CRBN: variants seen among roughly 807,000 people sequenced by gnomAD.
The protein encoded by CRBN is cereblon, also known as protein cereblon.
A neutral mutation model predicts 62.2 loss-of-function variants in CRBN; 53 were observed. That is an observed-to-expected ratio of 0.85 (90% CI 0.68 to 1.07). The LOEUF (loss-of-function observed/expected upper bound fraction) is 1.07, where lower values mean the gene tolerates loss of function less well. Ranked by LOEUF, CRBN falls within the 50% of genes least tolerant of loss-of-function variation. The pLI, the probability that CRBN is intolerant of heterozygous loss-of-function variation, is 0.00. For synonymous variants in CRBN, 208 were observed against 176.1 expected (o/e 1.18, Z -1.43); for missense variants, 616 against 531.1 (o/e 1.16, Z -1.57).
intron 5 of CRBN, 65 bp from the exon 6 acceptor site, chr3:3,156,346 G>T: frequency 1.4e-6 from 2 of 1,397,668 alleles, no homozygotes; most frequent in Non-Finnish European, 2.0e-6. Context: ...GCTGGAATGA[G>T]CAACATCTGA....
intron 9 of CRBN, chr3:3,153,008 A>C: frequency 3.4e-6 from 1 of 297,412 alleles, no homozygotes; most frequent in South Asian, 3.7e-5. Context: ...ATTTGTCATA[A>C]AATGATTTTC....
At position 3,150,888 on chromosome 3, in the gene CRBN, C is replaced by A; in HGVS notation, c.1306G>T (p.Asp436Tyr). The change falls in exon 11 of 11, where the codon GAC becomes TAC. Residue 436 changes from aspartate (D) to tyrosine (Y), a missense_variant. Transcript: ENST00000231948. ...GTTTACAAGCAAAGTATTACTTTGT[C>A]TGGACTTATTTCATCTTCAGTGTCT... is the stretch of plus-strand genomic sequence containing the variant. Reference protein sequence around the residue: ...IPDTEDEISPDKVILCL With the variant: ...IPDTEDEISPYKVILCL The A allele has an allele frequency of 6.2e-7, 1 of 1,613,722 alleles. No individual in the cohort carries two copies. Among genetic ancestry groups the A allele is most frequent in the Non-Finnish European group, 8.5e-7 (1 of 1,179,834 alleles).
chr3:3,157,795 CAG>C (rs1163985036), intron 5 of CRBN, among the ~76,000 whole-genome samples: 1 of 152,214 alleles, frequency 6.6e-6, no homozygotes, highest in African/African-American at 2.4e-5. Flanking sequence ...GCGGTTTTAA[CAG>C]AAGACTAGAA....
At chr3:3,162,316 C>CT (rs529274085) in intron 5 of CRBN, among the ~76,000 whole-genome samples, 12 of 151,108 alleles carry the variant, frequency 7.9e-5, no homozygotes, top group East Asian at 1.9e-4. Flanking sequence ...AAAATTTCCT[C>CT]TTTTTTTTTG....
intron 5 of CRBN, among the ~76,000 whole-genome samples, chr3:3,161,634 G>A (rs916769020): frequency 1.3e-5 from 2 of 152,022 alleles, no homozygotes; most frequent in African/African-American, 2.4e-5. Flanking sequence ...TGATCCACCC[G>A]CCTCAGCCTC....
At position 3,155,663 on chromosome 3, in the gene CRBN, T is replaced by A. The variant is rs138667757; in HGVS notation, c.750+556A>T. On this transcript the variant is annotated intron_variant, in intron 6 of 10. Transcript: ENST00000231948. ...CTCCTGGATGCATTAATTAATAGAC[T>A]AATGATCAAGAGACGTAAGTTAATA... 189 of 154,516 alleles carry A rather than the reference T, an allele frequency of 1.2e-3. 1 individual carries two copies. The highest frequency in any genetic ancestry group is 2.4e-3 in the Non-Finnish European group (167 of 69,578). 9.6% of individuals were successfully genotyped at this position (154,516 alleles called of 1,614,324 possible).
intron 1 of CRBN, among the ~76,000 whole-genome samples, chr3:3,176,634 G>C (rs1707833933): frequency 6.6e-6 from 1 of 152,206 alleles, no homozygotes; most frequent in Admixed American, 6.5e-5. Context: ...TACTGGGGAG[G>C]CTGAGGCAGG....
intron 3 of CRBN, 31 bp downstream of exon 3, chr3:3,174,028 T>C (rs1047930905): frequency 5.1e-6 from 8 of 1,554,778 alleles, no homozygotes; most frequent in African/African-American, 1.4e-5. Flanking sequence ...TGAGAGGGAA[T>C]GTATTAAGCA....
At chr3:3,158,398 G>C (rs1706999482) in intron 5 of CRBN, among the ~76,000 whole-genome samples, 1 of 152,168 alleles carries the variant, frequency 6.6e-6, no homozygotes, top group Non-Finnish European at 1.5e-5. Flanking sequence ...CCCTGCCAAA[G>C]GTGATCTGAG....
chr3:3,172,882 T>G lies in CRBN; in HGVS notation c.421A>C (p.Ile141Leu). ...REAQFGTTAE[I>L]YAYREEQDFG... Reference sequence around the variant, plus strand: ...TCCTGTTCTTCTCGATAGGCATATATCTCTGCTGTTGTTCCAAACTGTGCT... The same window carrying G: ...TCCTGTTCTTCTCGATAGGCATATAGCTCTGCTGTTGTTCCAAACTGTGCT... Residue 141 changes from isoleucine to leucine, a missense_variant, in exon 4 of 11, where the codon ATA becomes CTA. Transcript: ENST00000231948. 2 of 1,613,672 alleles carry G rather than the reference T, an allele frequency of 1.2e-6. No individual in the cohort carries two copies. The highest frequency in any genetic ancestry group is 1.7e-6 in the Non-Finnish European group (2 of 1,179,560).
chr3:3,164,948 C>T (rs893511548), intron 5 of CRBN, among the ~76,000 whole-genome samples: 2 of 152,082 alleles, frequency 1.3e-5, no homozygotes, highest in African/African-American at 4.8e-5. Context: ...TTCTAGGTGC[C>T]ATTAAGAATA....
In CRBN at chr3:3,152,264, T is replaced by A. The variant is rs139660334; in HGVS notation, c.1148+192A>T. On this transcript the variant is annotated intron_variant, in intron 10 of 10. Coordinates refer to ENST00000231948, the MANE Select transcript of CRBN (RefSeq NM_016302.4). ...GCCTTCCAGGTTCAAGAGATTCTTG[T>A]GCCTCAGCATCCCGAGCAGCTGGGA... Among the ~76,000 whole-genome samples, 127 of 152,102 alleles carry A rather than the reference T, an allele frequency of 8.3e-4. 4 individuals are homozygous for A. In the East Asian group the frequency reaches 0.023, roughly 27 times the overall value.
chr3:3,175,087 G>A, intron 2 of CRBN, 76 bp downstream of exon 2: 1 of 978,148 alleles, frequency 1.0e-6, no homozygotes, highest in Non-Finnish European at 1.6e-6. Context: ...ACAAATATCA[G>A]TCACTTGTTT....
At chr3:3,173,485 C>T (rs1707710318) in intron 3 of CRBN, among the ~76,000 whole-genome samples, 3 of 152,194 alleles carry the variant, frequency 2.0e-5, no homozygotes, top group Admixed American at 2.0e-4. Flanking sequence ...GGGGTTTAAA[C>T]TCATTTCCCA....
At chr3:3,178,919 G>T (rs569466230) in intron 1 of CRBN, among the ~76,000 whole-genome samples, 2 of 151,784 alleles carry the variant, frequency 1.3e-5, no homozygotes, top group East Asian at 3.9e-4. Flanking sequence ...TCAACACAAG[G>T]CCAAAGTCTA....
intron 3 of CRBN, 146 bp downstream of exon 3, chr3:3,173,913 C>T (rs1707726536): frequency 4.2e-6 from 3 of 722,542 alleles, no homozygotes; most frequent in African/African-American, 3.5e-5. Flanking sequence ...CACTATCAAA[C>T]TTCTACTTAA....
chr3:3,154,142 G>A (rs927377480), intron 7 of CRBN, 67 bp from the exon 8 acceptor site: 35 of 903,480 alleles, frequency 3.9e-5, no homozygotes, highest in African/African-American at 1.1e-4. Context: ...CTTACAAATC[G>A]GATAATATCC....
In CRBN at chr3:3,167,583, A is replaced by G. The variant is rs568711374; in HGVS notation, c.687+51T>C. On this transcript the variant is annotated intron_variant, in intron 5 of 10. Transcript: ENST00000231948. ...GTGTTTCTTTCTTAAAACAGGAAAA[A>G]AAACAACCTGTCTTCATTTTTTGAA... 16 of 1,568,322 alleles carry G rather than the reference A, an allele frequency of 1.0e-5. No individual in the cohort carries two copies. The South Asian group carries it at 1.8e-4, about 18-fold the overall frequency.
intron 4 of CRBN, among the ~76,000 whole-genome samples, chr3:3,168,099 A>C (rs1290014139): frequency 6.6e-6 from 1 of 151,818 alleles, no homozygotes; most frequent in Admixed American, 6.6e-5. Context: ...GTTTTAAAAA[A>C]ACCAACATAC....
Sources: gnomAD v4.1 joint callset for allele counts (sites outside exome capture counted in the v4.1 genomes callset) on GRCh38, gnomAD v4.1.1 for gene constraint, MANE v1.5 for transcripts, NCBI Gene and HGNC (gene_info 2026-07-23, HGNC 2026-07-21) for gene names.